The following UGGT2 variants were observed in gnomAD, a reference collection of about 807,000 sequenced individuals.
The protein encoded by UGGT2 is UDP-glucose:glycoprotein glucosyltransferase 2.
UGGT2 carries 180 observed loss-of-function variants against 192.1 expected under a neutral mutation model. The ratio of observed to expected loss-of-function variants is 0.94; its 90% CI spans 0.83 to 1.06. The LOEUF (loss-of-function observed/expected upper bound fraction) is 1.06, where lower values mean the gene tolerates loss of function less well. Ranked by LOEUF, UGGT2 falls within the 50% of genes least tolerant of loss-of-function variation. The pLI is 0.00. For missense variants in UGGT2, 1,849 were observed against 1,795.7 expected (o/e 1.03, Z -0.54); for synonymous variants, 580 against 591.0 (o/e 0.98, Z 0.27).
intron 12 of UGGT2, among the ~76,000 whole-genome samples, chr13:95,957,248 G>T (rs950094408): frequency 1.1e-4 from 16 of 152,228 alleles, no homozygotes; most frequent in African/African-American, 3.4e-4. Context: ...ATAAATGGTG[G>T]TGATGGTTGT....
intron 38 of UGGT2, chr13:95,832,662 C>T (rs905091557): frequency 7.5e-6 from 4 of 536,912 alleles, no homozygotes; most frequent in African/African-American, 1.9e-5. Context: ...TATTTTTCAC[C>T]TCTATGTTGT....
At chr13:95,880,796 TTTA>T (rs2047470287) in intron 27 of UGGT2, among the ~76,000 whole-genome samples, 3 of 152,236 alleles carry the variant, frequency 2.0e-5, no homozygotes, top group African/African-American at 7.2e-5. Flanking sequence ...AATTGTTCTA[TTTA>T]TTATTAGTTA....
At chr13:95,928,356 G>C (rs2049109919) in intron 17 of UGGT2, among the ~76,000 whole-genome samples, 1 of 84,624 alleles carries the variant, frequency 1.2e-5, no homozygotes, top group Non-Finnish European at 3.5e-5. Context: ...CCACCTCCCG[G>C]ACAGGACGGC....
At chr13:95,908,922 C>G (rs1268550459) in intron 20 of UGGT2, among the ~76,000 whole-genome samples, 2 of 135,368 alleles carry the variant, frequency 1.5e-5, no homozygotes, top group Non-Finnish European at 3.1e-5. Flanking sequence ...ATGGTAGTTT[C>G]TTTTGCTGTG....
intron 15 of UGGT2, 68 bp from the exon 16 acceptor site, chr13:95,940,159 C>T: frequency 1.6e-6 from 2 of 1,217,732 alleles, no homozygotes; most frequent in Non-Finnish European, 2.2e-6. Flanking sequence ...TTTTCCTTAG[C>T]ATGCAGATAG....
chr13:96,046,315 G>A (rs575232609), intron 1 of UGGT2, among the ~76,000 whole-genome samples: 3 of 152,190 alleles, frequency 2.0e-5, no homozygotes, highest in South Asian at 2.1e-4. Context: ...CTTATCTCTC[G>A]CGTTATACAA....
At chr13:95,845,851 C>T (rs1198536953) in intron 36 of UGGT2, among the ~76,000 whole-genome samples, 1 of 150,732 alleles carries the variant, frequency 6.6e-6, no homozygotes, top group Non-Finnish European at 1.5e-5. Flanking sequence ...AGGCGCTCCC[C>T]ACATCCCAGA....
In UGGT2 at chr13:95,864,451, T is replaced by C. The variant is rs114507333; in HGVS notation, c.3559-737A>G. 8.1e-3 allele frequency among the ~76,000 whole-genome samples: 1,233 copies of C among 152,280 alleles called. 18 individuals carry two copies. Among genetic ancestry groups the C allele is most frequent in the African/African-American group, 0.028 (1,181 of 41,562 alleles). On this transcript the variant is annotated intron_variant, in intron 30 of 38. Transcript: ENST00000376747. ...AGCTACTAAAACTCTATTTCCTCTG[T>C]ACAGTTATAGTTTTAGCATAGTACA...
chr13:95,819,042 T>G (rs1159062819), intron 38 of UGGT2, among the ~76,000 whole-genome samples: 1 of 152,184 alleles, frequency 6.6e-6, no homozygotes, highest in African/African-American at 2.4e-5. Flanking sequence ...TTCAAAATAC[T>G]ATGAGAAATA....
At chr13:95,904,698 T>A (rs374273558) in intron 20 of UGGT2, among the ~76,000 whole-genome samples, 2 of 152,186 alleles carry the variant, frequency 1.3e-5, no homozygotes, top group South Asian at 2.1e-4. Context: ...TCTATCATTG[T>A]TGGACATTTC....
intron 7 of UGGT2, among the ~76,000 whole-genome samples, chr13:95,992,452 T>C (rs1376770420): frequency 6.6e-6 from 1 of 152,172 alleles, no homozygotes; most frequent in African/African-American, 2.4e-5. Flanking sequence ...GTGTGGCTAT[T>C]GTAAATGGGA....
intron 30 of UGGT2, among the ~76,000 whole-genome samples, chr13:95,866,447 T>G (rs1292445754): frequency 6.6e-6 from 1 of 152,186 alleles, no homozygotes; most frequent in Non-Finnish European, 1.5e-5. Flanking sequence ...TAGGCTATTG[T>G]AATCTTATTC....
intron 12 of UGGT2, among the ~76,000 whole-genome samples, chr13:95,963,444 C>G (rs1487368560): frequency 1.3e-5 from 2 of 152,136 alleles, no homozygotes; most frequent in African/African-American, 4.8e-5. Context: ...CAGCTAACAT[C>G]ATACGCACTG....
At chr13:95,832,233 G>A (rs933908241) in intron 38 of UGGT2, among the ~76,000 whole-genome samples, 8 of 152,102 alleles carry the variant, frequency 5.3e-5, no homozygotes, top group African/African-American at 1.7e-4. Flanking sequence ...ACACTGACCC[G>A]AACACAATAG....
intron 21 of UGGT2, 152 bp from the exon 22 acceptor site, chr13:95,901,090 A>G: frequency 1.7e-6 from 1 of 590,626 alleles, no homozygotes; most frequent in Non-Finnish European, 2.4e-6. Flanking sequence ...CATTTTTAAA[A>G]AAAGAATTCT....
intron 33 of UGGT2, among the ~76,000 whole-genome samples, chr13:95,858,415 G>A (rs1889827671): frequency 6.6e-6 from 1 of 152,008 alleles, no homozygotes; most frequent in Admixed American, 6.6e-5. Flanking sequence ...TAGAGGTTAA[G>A]GTTAGTCATG....
chr13:95,970,595 A>C (rs567441474), intron 11 of UGGT2, among the ~76,000 whole-genome samples: 3 of 152,324 alleles, frequency 2.0e-5, no homozygotes, highest in Non-Finnish European at 4.4e-5. Context: ...CTCTTTTGAC[A>C]AACCTACTAC....
chr13:95,969,867 T>C (rs1566774764), intron 12 of UGGT2, among the ~76,000 whole-genome samples: 1 of 152,222 alleles, frequency 6.6e-6, no homozygotes, highest in Admixed American at 6.5e-5. Context: ...TCTGTTGTTA[T>C]CTCTGAAGGT....
chr13:96,010,202 C>T (rs2052116313), intron 5 of UGGT2, among the ~76,000 whole-genome samples: 1 of 152,168 alleles, frequency 6.6e-6, no homozygotes, highest in African/African-American at 2.4e-5. Flanking sequence ...TTCACTGCAA[C>T]ACTTTTCACA....
Sources: allele counts gnomAD v4.1 joint callset (sites outside exome capture counted in the v4.1 genomes callset), GRCh38; gene constraint gnomAD v4.1.1; transcripts MANE v1.5; gene names NCBI Gene and HGNC (gene_info 2026-07-23, HGNC 2026-07-21).